Variants in CCSER1 observed in about 807,000 individuals in gnomAD.
CCSER1 encodes the protein coiled-coil serine rich protein 1, also known as serine-rich coiled-coil domain-containing protein 1.
A neutral mutation model predicts 82.0 loss-of-function variants in CCSER1; 41 were observed. The ratio of observed to expected loss-of-function variants is 0.50; its 90% CI spans 0.39 to 0.65. The LOEUF is 0.65. Among genes scored for constraint, CCSER1 ranks in the 30% least tolerant of loss-of-function variants. CCSER1 has a pLI of 0.00. For synonymous variants in CCSER1, 414 were observed against 383.9 expected, an observed-to-expected ratio of 1.08 and a Z score of -0.92; for missense variants, 1,119 against 1,064.2, an observed-to-expected ratio of 1.05 and a Z score of -0.72.
chr4:90,960,424 C>T (rs1334454159), intron 9 of CCSER1, among the ~76,000 whole-genome samples: 1 of 152,152 alleles, frequency 6.6e-6, no homozygotes, highest in Non-Finnish European at 1.5e-5. Flanking sequence ...TCAGTCTTTA[C>T]TCATTGCTCC....
At chr4:91,381,907 A>G (rs1195344418) in intron 10 of CCSER1, among the ~76,000 whole-genome samples, 1 of 152,144 alleles carries the variant, frequency 6.6e-6, no homozygotes, top group East Asian at 1.9e-4. Flanking sequence ...ATGGTGATGT[A>G]CAGATGGGGT....
At chr4:90,401,828 C>T (rs1461030303) in intron 4 of CCSER1, among the ~76,000 whole-genome samples, 3 of 152,104 alleles carry the variant, frequency 2.0e-5, no homozygotes, top group African/African-American at 7.2e-5. Flanking sequence ...CATGGCCACC[C>T]GATTGTAAGG....
intron 1 of CCSER1, among the ~76,000 whole-genome samples, chr4:90,227,707 G>A (rs1743460877): frequency 6.6e-6 from 1 of 152,160 alleles, no homozygotes; most frequent in African/African-American, 2.4e-5. Flanking sequence ...TTCGTCTGAG[G>A]TACTGGGTTC....
intron 10 of CCSER1, among the ~76,000 whole-genome samples, chr4:91,402,330 C>T (rs1279139322): frequency 1.3e-5 from 2 of 152,224 alleles, no homozygotes; most frequent in Admixed American, 6.5e-5. Flanking sequence ...AAAATTTTCT[C>T]CCATTCTGTA....
At chr4:91,000,895 C>A (rs2150476316) in intron 9 of CCSER1, among the ~76,000 whole-genome samples, 1 of 152,100 alleles carries the variant, frequency 6.6e-6, no homozygotes, top group East Asian at 1.9e-4. Flanking sequence ...TCTTCCTTTC[C>A]TATTTGGATG....
chr4:91,429,060 T>C (rs1003614919), intron 10 of CCSER1, among the ~76,000 whole-genome samples: 11 of 152,050 alleles, frequency 7.2e-5, no homozygotes, highest in Admixed American at 6.5e-4. Context: ...AGCATTGATT[T>C]ATCTTGTATC....
chr4:90,833,528 T>A (rs1020709711), intron 8 of CCSER1, among the ~76,000 whole-genome samples: 2 of 152,166 alleles, frequency 1.3e-5, no homozygotes, highest in African/African-American at 4.8e-5. Context: ...TTGGCAATAA[T>A]AAAAGACTTA....
chr4:90,879,696 G>T (rs964697047), intron 8 of CCSER1, among the ~76,000 whole-genome samples: 3 of 152,002 alleles, frequency 2.0e-5, no homozygotes, highest in Non-Finnish European at 4.4e-5. Flanking sequence ...AGAGGAAGAA[G>T]AAGAGGAAGA....
intron 8 of CCSER1, among the ~76,000 whole-genome samples, chr4:90,817,314 CAGAAAAG>C (rs1313055152): frequency 6.6e-6 from 1 of 151,922 alleles, no homozygotes; most frequent in Non-Finnish European, 1.5e-5. Flanking sequence ...GTAATTAACT[CAGAAAAG>C]AGTATTCTTT....
At chr4:90,528,928 A>T (rs1374260375) in intron 5 of CCSER1, among the ~76,000 whole-genome samples, 1 of 151,928 alleles carries the variant, frequency 6.6e-6, no homozygotes. Context: ...GGATTTTTAG[A>T]GTCTTTTTGT....
intron 10 of CCSER1, among the ~76,000 whole-genome samples, chr4:91,153,268 A>G (rs1461076188): frequency 6.6e-6 from 1 of 151,784 alleles, no homozygotes; most frequent in Non-Finnish European, 1.5e-5. Context: ...TTTGATCTTC[A>G]ATTACTGATA....
At chr4:91,539,417 A>G (rs1761474399) in intron 10 of CCSER1, among the ~76,000 whole-genome samples, 1 of 152,182 alleles carries the variant, frequency 6.6e-6, no homozygotes. Flanking sequence ...ATATTCTTCA[A>G]TGTTCTAGCT....
intron 1 of CCSER1, among the ~76,000 whole-genome samples, chr4:90,252,531 T>C (rs1156579643): frequency 6.6e-6 from 1 of 151,858 alleles, no homozygotes; most frequent in Non-Finnish European, 1.5e-5. Flanking sequence ...ATTTAAGGGA[T>C]ACATGAGGTA....
intron 8 of CCSER1, among the ~76,000 whole-genome samples, chr4:90,878,684 A>G (rs908096509): frequency 2.0e-5 from 3 of 152,120 alleles, no homozygotes; most frequent in African/African-American, 7.2e-5. Context: ...CTCGCTTAAG[A>G]TATTAATCTT....
At chr4:90,810,126 C>A (rs564790583) in intron 7 of CCSER1, among the ~76,000 whole-genome samples, 2 of 151,974 alleles carry the variant, frequency 1.3e-5, no homozygotes, top group African/African-American at 2.4e-5. Context: ...TGAATTTGAG[C>A]ATCTTCTTTT....
chr4:90,349,673 C>T (rs548961881), intron 3 of CCSER1, among the ~76,000 whole-genome samples: 2 of 152,146 alleles, frequency 1.3e-5, no homozygotes, highest in Non-Finnish European at 2.9e-5. Flanking sequence ...CTAAAAGACT[C>T]CTTATCTCTT....
intron 5 of CCSER1, among the ~76,000 whole-genome samples, chr4:90,544,265 G>C (rs1303088489): frequency 6.6e-6 from 1 of 152,140 alleles, no homozygotes; most frequent in Non-Finnish European, 1.5e-5. Context: ...GAGCTCAGTT[G>C]TAAGTCCAGG....
intron 9 of CCSER1, among the ~76,000 whole-genome samples, chr4:91,075,654 AT>A (rs1207762635): frequency 2.0e-5 from 3 of 152,168 alleles, no homozygotes; most frequent in African/African-American, 7.2e-5. Flanking sequence ...TTTCTGAAGT[AT>A]TTTAATATGT....
At chr4:91,296,483 A>ATATATATATTATT (rs1175690764) in intron 10 of CCSER1, among the ~76,000 whole-genome samples, 4 of 124,042 alleles carry the variant, frequency 3.2e-5, no homozygotes, top group African/African-American at 1.0e-4. Flanking sequence ...ATATATATAT[A>ATATATATATTATT]TATTTTAATT....
Sources: allele counts gnomAD v4.1 joint callset (sites outside exome capture counted in the v4.1 genomes callset), GRCh38; gene constraint gnomAD v4.1.1; transcripts MANE v1.5; gene names NCBI Gene and HGNC (gene_info 2026-07-23, HGNC 2026-07-21).